Variants in CEP192 observed in about 807,000 individuals in gnomAD.
CEP192 encodes the protein centrosomal protein of 192 kDa.
In CEP192, 151 loss-of-function variants were observed where a neutral mutation model predicts 271.8. The ratio of observed to expected loss-of-function variants is 0.56; its 90% CI spans 0.49 to 0.64. CEP192 has a LOEUF of 0.64. CEP192 is among the 30% of genes least tolerant of loss of function. The pLI is 0.00. For synonymous variants in CEP192, 995 were observed against 1,076.5 expected, an observed-to-expected ratio of 0.92 and a Z score of 1.48; for missense variants, 2,910 against 3,020.5, an observed-to-expected ratio of 0.96 and a Z score of 0.86.
In CEP192 at chr18:13,029,952, G is replaced by A; in HGVS notation, c.1340G>A (p.Cys447Tyr). 9 of 1,551,586 alleles carry A rather than the reference G, an allele frequency of 5.8e-6. No individual in the cohort carries two copies. Among genetic ancestry groups the A allele is most frequent in the Non-Finnish European group, 7.0e-6 (8 of 1,146,880 alleles). ...NFTDAIWSPT[C>Y]ERRTCECHES... ...ACTGATGCCATTTGGTCACCAACTT[G>A]TGAAAGGCGAACATGTGAATGTCAC... The change falls in exon 10 of 45, where the codon TGT becomes TAT. Residue 447 changes from cysteine to tyrosine, a missense_variant. By Grantham distance (194) the Cys-to-Tyr change is radical. Transcript: ENST00000506447.
At chr18:12,993,229 G>A (rs934988535) in intron 1 of CEP192, among the ~76,000 whole-genome samples, 1 of 152,174 alleles carries the variant, frequency 6.6e-6, no homozygotes, top group African/African-American at 2.4e-5. Context: ...GGATGGATTT[G>A]GGTGAAGACT....
chr18:13,116,176 A>G (rs1036024141), intron 42 of CEP192, among the ~76,000 whole-genome samples: 3 of 152,218 alleles, frequency 2.0e-5, no homozygotes, highest in Non-Finnish European at 4.4e-5. Context: ...AGTGAGGCCT[A>G]TCCAGCACCC....
chr18:13,095,608 T>TC lies in CEP192; in HGVS notation c.6361dup (p.Leu2121ProfsTer26). ...TTCTCTCACGGGCGGCTCGCCCGCC[T>TC]CTGGATCAGCTGGCCTCCGAAGAGC... On this transcript the variant is annotated frameshift_variant, in exon 35 of 45. Transcript: ENST00000506447. LOFTEE classifies it high-confidence loss of function. The TC allele has an allele frequency of 6.2e-7, 1 of 1,614,206 alleles. No individual in the cohort carries two copies. Among genetic ancestry groups the TC allele is most frequent in the African/African-American group, 1.3e-5 (1 of 75,062 alleles).
chr18:13,063,840 A>G (rs1261650760), intron 21 of CEP192, among the ~76,000 whole-genome samples: 1 of 131,468 alleles, frequency 7.6e-6, no homozygotes, highest in Non-Finnish European at 1.6e-5. Flanking sequence ...TTTTTTTTTG[A>G]AATGGAGTCT....
intron 3 of CEP192, among the ~76,000 whole-genome samples, chr18:13,007,481 T>G (rs7234094): frequency 0.71 from 107,250 of 151,996 alleles, 39,061 homozygotes; most frequent in African/African-American, 0.89. Flanking sequence ...ACATGGAAAT[T>G]GACCTAACTG....
At position 13,084,496 on chromosome 18, in the gene CEP192, C is replaced by T. The variant is rs138758363; in HGVS notation, c.5617-2521C>T. ...GTGTTGGAAAAGCACAGTATTTGGG[C>T]GGGATTGTCCCGATTTTCCAGGTAC... On this transcript the variant is annotated intron_variant, in intron 30 of 44. Transcript: ENST00000506447. 2.0e-3 allele frequency among the ~76,000 whole-genome samples: 306 copies of T among 152,290 alleles called. 6 individuals are homozygous for T. The East Asian group carries it at 0.036, about 18-fold the overall frequency.
rs1214651516 is a variant in CEP192 at position 13,012,966 on chromosome 18, T to G, written c.467-7T>G. On this transcript the variant is annotated splice_polypyrimidine_tract_variant and splice_region_variant and intron_variant, in intron 4 of 44. Transcript: ENST00000506447. ...GTCTCTCAGTTTGTTTTTGTTTTCT[T>G]ACACAGACTCACCTATTGATTTTCA... 4.0e-6 allele frequency: 6 copies of G among 1,495,266 alleles called. No individual in the cohort carries two copies. The highest frequency in any genetic ancestry group is 4.5e-6 in the Non-Finnish European group (5 of 1,099,766). 92.6% of individuals were successfully genotyped at this position (1,495,266 alleles called of 1,614,324 possible). A position where few individuals can be genotyped will look rare whatever the true frequency, so the allele number is the denominator to read the frequency against.
chr18:13,049,655 A>G lies in CEP192; in HGVS notation c.2864A>G (p.His955Arg), dbSNP rs1462796203. ...NSEKHVTFEN[H>R]RIVSPKNSDL... Reference sequence around the variant, plus strand: ...GAGAAGCATGTGACTTTTGAAAACCATCGCATAGTCTCACCTAAAAATAGT... The same window carrying G: ...GAGAAGCATGTGACTTTTGAAAACCGTCGCATAGTCTCACCTAAAAATAGT... The change falls in exon 16 of 45, where the codon CAT (histidine) becomes CGT (arginine). Residue 955 changes from histidine (H) to arginine (R), a missense_variant. Physicochemically the swap from His to Arg is conservative, Grantham distance 29. Transcript: ENST00000506447. 6.2e-7 allele frequency: 1 copy of G among 1,611,792 alleles called. No homozygotes were observed. The highest frequency in any genetic ancestry group is 1.7e-5 in the Admixed American group (1 of 59,772).
At chr18:13,103,200 C>T (rs141413746) in intron 38 of CEP192, among the ~76,000 whole-genome samples, 10 of 152,310 alleles carry the variant, frequency 6.6e-5, no homozygotes, top group South Asian at 4.1e-4. Flanking sequence ...TGGGCTTCCT[C>T]GTCCCCTTCA....
At position 13,103,600 on chromosome 18, in the gene CEP192, C is replaced by T; in HGVS notation, c.6951+12C>T. 6.3e-7 allele frequency: 1 copy of T among 1,590,698 alleles called. No homozygotes were observed. The highest frequency in any genetic ancestry group is 8.6e-7 in the Non-Finnish European group (1 of 1,158,624). On this transcript the variant is annotated intron_variant, in intron 39 of 44. Transcript: ENST00000506447. ...CACCTTATGTCAAGGTCAGTCATGA[C>T]TGCCTCAGATATAATCGTTTTAATG...
chr18:13,097,977 A>G (rs909446785), intron 36 of CEP192, among the ~76,000 whole-genome samples: 7 of 152,166 alleles, frequency 4.6e-5, no homozygotes, highest in Non-Finnish European at 8.8e-5. Flanking sequence ...TCATAGATCA[A>G]CAGGATCCCA....
chr18:13,115,576 G>C (rs1568442479), intron 42 of CEP192, among the ~76,000 whole-genome samples: 1 of 152,080 alleles, frequency 6.6e-6, no homozygotes, highest in African/African-American at 2.4e-5. Flanking sequence ...GTGAGGAGGG[G>C]CTATTTTAAA....
rs374155412 is a variant in CEP192, at chr18:13,124,935, T to C, written c.*165T>C. On this transcript the variant is annotated 3_prime_UTR_variant, in exon 45 of 45. Coordinates refer to ENST00000506447, the MANE Select transcript of CEP192 (RefSeq NM_032142.4). ...TACTGAAGACTCGACTGAAATATTA[T>C]GTATCTAGCCCATAGTATTGTACTT... is the stretch of plus-strand genomic sequence containing the variant. The C allele has an allele frequency of 1.9e-4, 106 of 571,244 alleles. No homozygotes were observed. In the East Asian group the frequency reaches 2.6e-3, roughly 14 times the overall value. The allele number at this position is 571,244 out of a possible 1,614,324, so 35.4% of individuals were successfully genotyped here.
chr18:13,022,753 T>A (rs2143302581), intron 9 of CEP192, among the ~76,000 whole-genome samples: 1 of 152,352 alleles, frequency 6.6e-6, no homozygotes, highest in East Asian at 1.9e-4. Flanking sequence ...GGTATTAAAT[T>A]GAATGTATAG....
chr18:13,036,335 C>G (rs931647757), intron 11 of CEP192, among the ~76,000 whole-genome samples: 1 of 152,068 alleles, frequency 6.6e-6, no homozygotes, highest in Non-Finnish European at 1.5e-5. Flanking sequence ...AGTCTAGGGT[C>G]GCAAAGGAGC....
chr18:13,021,338 A>G (rs1471780712), intron 9 of CEP192, among the ~76,000 whole-genome samples: 1 of 152,222 alleles, frequency 6.6e-6, no homozygotes, highest in African/African-American at 2.4e-5. Flanking sequence ...GCATGTGGAT[A>G]TTAAATTTTC....
At chr18:13,079,901 C>T (rs1448801197) in intron 30 of CEP192, among the ~76,000 whole-genome samples, 1 of 152,190 alleles carries the variant, frequency 6.6e-6, no homozygotes, top group East Asian at 1.9e-4. Context: ...GGAATCCTTT[C>T]CCCATTTCTT....
chr18:13,095,936 A>C (rs1568410385), intron 35 of CEP192, among the ~76,000 whole-genome samples: 1 of 152,170 alleles, frequency 6.6e-6, no homozygotes, highest in African/African-American at 2.4e-5. Context: ...GAGATACAGC[A>C]TTGGTTCAGA....
intron 39 of CEP192, among the ~76,000 whole-genome samples, chr18:13,104,706 G>C (rs2039871386): frequency 6.6e-6 from 1 of 152,208 alleles, no homozygotes; most frequent in African/African-American, 2.4e-5. Flanking sequence ...GGAAAAGATA[G>C]TTGTTTGACA....
Sources: gnomAD v4.1 joint callset for allele counts (sites outside exome capture counted in the v4.1 genomes callset) on GRCh38, gnomAD v4.1.1 for gene constraint, MANE v1.5 for transcripts, NCBI Gene and HGNC (gene_info 2026-07-23, HGNC 2026-07-21) for gene names.